Variants in TRANK1 observed in about 807,000 individuals in gnomAD.
The protein encoded by TRANK1 is TPR and ankyrin repeat-containing protein 1.
Under a neutral mutation model 266.0 loss-of-function variants are expected in TRANK1, and 198 were observed. The ratio of observed to expected loss-of-function variants is 0.74; its 90% CI spans 0.66 to 0.84. The LOEUF (loss-of-function observed/expected upper bound fraction) is 0.84, where lower values mean the gene tolerates loss of function less well. Ranked by LOEUF, TRANK1 falls within the 40% of genes least tolerant of loss-of-function variation. The pLI, the probability that TRANK1 is intolerant of heterozygous loss-of-function variation, is 0.00. For missense variants in TRANK1, 3,326 were observed against 3,634.6 expected (o/e 0.92, Z 2.18); for synonymous variants, 1,396 against 1,384.1 (o/e 1.01, Z -0.19).
Position 36,842,536 on chromosome 3 carries a change from G to T in TRANK1, c.5280+86C>A, listed in dbSNP as rs2078860759. The T allele has an allele frequency of 6.7e-6, 8 of 1,196,326 alleles. No individual in the cohort carries two copies. The Middle Eastern group carries it at 9.8e-4, about 146-fold the overall frequency. The allele number at this position is 1,196,326 out of a possible 1,614,324, so 74.1% of individuals were successfully genotyped here. A position where few individuals can be genotyped will look rare whatever the true frequency, so the allele number is the denominator to read the frequency against. On this transcript the variant is annotated intron_variant, in intron 18 of 23. Transcript: ENST00000645898. Reference sequence around the variant, plus strand: ...AGCACCATTACGCTCATCCTTTCCTGGTGACAAACACCATGATGTGAAACC... The same window carrying T: ...AGCACCATTACGCTCATCCTTTCCTTGTGACAAACACCATGATGTGAAACC...
In TRANK1 at chr3:36,855,397, A is replaced by T; in HGVS notation, c.4325T>A (p.Phe1442Tyr). ...CAGCAGCGCCAGCTCGGCCTGGGTA[A>T]AGTCTTGAATCTCATCACCATAGAG... ...HELYGDEIQD[F>Y]TQAELALLMK... is the part of the protein sequence containing the mutation. Residue 1442 changes from phenylalanine (F) to tyrosine (Y), a missense_variant, in exon 13 of 24, where the codon TTT (phenylalanine) becomes TAT (tyrosine). Transcript: ENST00000645898. 6.2e-7 allele frequency: 1 copy of T among 1,613,982 alleles called. No individual in the cohort carries two copies. The highest frequency in any genetic ancestry group is 8.5e-7 in the Non-Finnish European group (1 of 1,179,874).
In TRANK1 at chr3:36,856,845, G is replaced by A. The variant is rs745339517; in HGVS notation, c.2877C>T (p.Cys959=). 1.2e-6 allele frequency: 2 copies of A among 1,614,074 alleles called. No individual in the cohort carries two copies. The highest frequency in any genetic ancestry group is 2.2e-5 in the South Asian group (2 of 91,090). Residue 959 remains cysteine (C), a synonymous_variant, in exon 13 of 24, where the codon TGC becomes TGT. Transcript: ENST00000645898. The stretch of plus-strand genomic sequence containing the variant: ...AGGACAAGCCCCGGTTGTAGGCATT[G>A]CAGATGGCCTTGATGGAATCAGCCA... ...CKLADSIKAI[C]NAYNRGLSCV...
intron 8 of TRANK1, among the ~76,000 whole-genome samples, chr3:36,878,804 G>C (rs1404848495): frequency 7.4e-6 from 1 of 135,972 alleles, no homozygotes; most frequent in African/African-American, 3.0e-5. Context: ...GAAAAGAAAT[G>C]GCTCACTAAA....
At chr3:36,835,082 G>A (rs1348542807) in intron 20 of TRANK1, among the ~76,000 whole-genome samples, 175 bp from the exon 21 acceptor site, 3 of 152,088 alleles carry the variant, frequency 2.0e-5, no homozygotes, top group East Asian at 3.9e-4. Context: ...CACTTTGGGA[G>A]GCCGAGGCGG....
chr3:36,938,207 GT>G (rs1464191828), intron 1 of TRANK1, among the ~76,000 whole-genome samples: 1 of 151,268 alleles, frequency 6.6e-6, no homozygotes, highest in African/African-American at 2.5e-5. Context: ...TTTTTTGTTT[GT>G]TTGTTTGTTT....
chr3:36,945,120 GTGTT>G (rs997952794), upstream of TRANK1: 6 of 373,224 alleles, frequency 1.6e-5, no homozygotes, highest in African/African-American at 1.1e-4. Flanking sequence ...GTGGGAGGAG[GTGTT>G]TGTCATCGCG....
At chr3:36,892,396 T>G (rs1188931769) in intron 6 of TRANK1, 56 bp from the exon 7 acceptor site, 1 of 1,526,158 alleles carries the variant, frequency 6.6e-7, no homozygotes, top group Non-Finnish European at 8.8e-7. Flanking sequence ...AATATGAAGC[T>G]TCAAACTCCT....
At chr3:36,937,747 C>T (rs1055561060) in intron 1 of TRANK1, among the ~76,000 whole-genome samples, 2 of 152,192 alleles carry the variant, frequency 1.3e-5, no homozygotes, top group African/African-American at 4.8e-5. Context: ...CAATAACTGC[C>T]ATTTTTCCTT....
At position 36,831,503 on chromosome 3, in the gene TRANK1, T is replaced by C; in HGVS notation, c.8080A>G (p.Met2694Val). The C allele has an allele frequency of 1.2e-6, 2 of 1,613,284 alleles. No individual in the cohort carries two copies. Among genetic ancestry groups the C allele is most frequent in the Non-Finnish European group, 1.7e-6 (2 of 1,179,618 alleles). The stretch of plus-strand genomic sequence containing the variant: ...CGGTCTTCTAATGCCAGTTCATCCA[T>C]CTCATCCTGGCCAAACTCACACTCA... ...EPECEFGQDEMDELALEDRDH... is the reference protein window; with the variant it reads ...EPECEFGQDEVDELALEDRDH... The change falls in exon 22 of 24, where the codon ATG becomes GTG. Residue 2694 changes from methionine to valine, a missense_variant. Coordinates refer to ENST00000645898, the MANE Select transcript of TRANK1 (RefSeq NM_001329998.2). The surrounding 1 kb of genome is among the most constrained non-coding windows in gnomAD (Gnocchi z 5.0).
At chr3:36,829,828 C>T (rs931276258) in intron 22 of TRANK1, among the ~76,000 whole-genome samples, 166 bp from the exon 23 acceptor site, 9 of 152,210 alleles carry the variant, frequency 5.9e-5, no homozygotes, top group African/African-American at 1.9e-4. Context: ...TCTGCTGCTA[C>T]AAGCATAAAC....
chr3:36,884,417 T>A (rs984469011), intron 8 of TRANK1, among the ~76,000 whole-genome samples: 1 of 152,136 alleles, frequency 6.6e-6, no homozygotes, highest in Non-Finnish European at 1.5e-5. Context: ...CACCTTGTGG[T>A]GTCTGAAAGT....
intron 8 of TRANK1, among the ~76,000 whole-genome samples, chr3:36,879,634 A>G (rs997410745): frequency 3.9e-5 from 3 of 76,094 alleles, no homozygotes; most frequent in Non-Finnish European, 7.0e-5. Context: ...ATAAATATAT[A>G]TAAATATACA....
chr3:36,899,357 T>C, intron 3 of TRANK1, 98 bp from the exon 4 acceptor site: 2 of 1,351,620 alleles, frequency 1.5e-6, no homozygotes, highest in Non-Finnish European at 2.0e-6. Context: ...AATCCAACTC[T>C]AAAAGTCTGA....
At chr3:36,876,222 G>A (rs986710939) in intron 8 of TRANK1, among the ~76,000 whole-genome samples, 2 of 152,228 alleles carry the variant, frequency 1.3e-5, no homozygotes, top group African/African-American at 4.8e-5. Context: ...ACACCAGACC[G>A]ACTGACACAC....
At chr3:36,868,944 A>G (rs748874654) in intron 9 of TRANK1, among the ~76,000 whole-genome samples, 2 of 152,252 alleles carry the variant, frequency 1.3e-5, no homozygotes, top group Non-Finnish European at 1.5e-5. Context: ...CAGAGAGAAG[A>G]TCACAAACAA....
chr3:36,876,463 G>A (rs1310308547), intron 8 of TRANK1, among the ~76,000 whole-genome samples: 1 of 152,232 alleles, frequency 6.6e-6, no homozygotes, highest in African/African-American at 2.4e-5. Flanking sequence ...AGGTCACTAA[G>A]ACACACTAGG....
At chr3:36,883,044 G>C (rs1180812343) in intron 8 of TRANK1, among the ~76,000 whole-genome samples, 1 of 151,876 alleles carries the variant, frequency 6.6e-6, no homozygotes, top group East Asian at 1.9e-4. Flanking sequence ...ACGCAAATTG[G>C]TACAACCCTC....
rs1227713339 is a variant in TRANK1 at position 36,848,532 on chromosome 3, T to C, written c.4888-1186A>G. On this transcript the variant is annotated intron_variant, in intron 15 of 23. Transcript: ENST00000645898. The stretch of plus-strand genomic sequence containing the variant: ...GTGCTACTTGCCATCTATGTAACTT[T>C]TAAAGCATGCTGAAAAGGTGAAGTG... 5.3e-5 allele frequency among the ~76,000 whole-genome samples: 8 copies of C among 152,356 alleles called. No individual in the cohort carries two copies. The South Asian group carries it at 1.2e-3, about 24-fold the overall frequency.
intron 17 of TRANK1, among the ~76,000 whole-genome samples, chr3:36,845,904 G>C (rs1030279851): frequency 2.0e-4 from 31 of 152,176 alleles, no homozygotes; most frequent in African/African-American, 7.0e-4. Context: ...TTGGGTCAAA[G>C]TATGTACCAT....
Sources: gnomAD v4.1 joint callset for allele counts (sites outside exome capture counted in the v4.1 genomes callset) on GRCh38, gnomAD v4.1.1 for gene constraint, Gnocchi (gnomAD v3.1) non-coding constraint, MANE v1.5 for transcripts, NCBI Gene and HGNC (gene_info 2026-07-23, HGNC 2026-07-21) for gene names.